ENPP6: variants seen among roughly 807,000 people sequenced by gnomAD.
ENPP6 encodes the protein ectonucleotide pyrophosphatase/phosphodiesterase 6, also known as glycerophosphocholine cholinephosphodiesterase ENPP6.
In ENPP6, 32 loss-of-function variants were observed where a neutral mutation model predicts 42.0. The ratio of observed to expected loss-of-function variants is 0.76; its 90% confidence interval spans 0.58 to 1.02. The LOEUF is 1.02. ENPP6 is among the 50% of genes least tolerant of loss of function. ENPP6 has a pLI of 0.00. For missense variants in ENPP6, 552 were observed against 566.8 expected, an observed-to-expected ratio of 0.97 and a Z score of 0.27; for synonymous variants, 213 against 216.0, an observed-to-expected ratio of 0.99 and a Z score of 0.12.
At chr4:184,115,462 C>T (rs918231920) in intron 5 of ENPP6, among the ~76,000 whole-genome samples, 1 of 152,202 alleles carries the variant, frequency 6.6e-6, no homozygotes, top group Non-Finnish European at 1.5e-5. Context: ...GCAGGGTAAG[C>T]AGAGGTCTAG....
chr4:184,144,737 T>C (rs1246856016), intron 2 of ENPP6, among the ~76,000 whole-genome samples: 6 of 152,034 alleles, frequency 3.9e-5, no homozygotes, highest in African/African-American at 1.4e-4. Flanking sequence ...CTAAACAAGC[T>C]CCGAGCAGGC....
chr4:184,177,709 A>G (rs1732463063), intron 1 of ENPP6, among the ~76,000 whole-genome samples: 1 of 152,208 alleles, frequency 6.6e-6, no homozygotes, highest in African/African-American at 2.4e-5. Flanking sequence ...TGACACCTCC[A>G]GGTGTGGGAG....
chr4:184,153,500 T>A (rs997779042), intron 2 of ENPP6, 54 bp downstream of exon 2: 3 of 1,537,936 alleles, frequency 2.0e-6, no homozygotes, highest in Non-Finnish European at 2.6e-6. Flanking sequence ...ACACCGACTG[T>A]CCTCAGAGAC....
intron 1 of ENPP6, among the ~76,000 whole-genome samples, chr4:184,195,599 C>G (rs1451914197): frequency 6.6e-6 from 1 of 152,150 alleles, no homozygotes; most frequent in African/African-American, 2.4e-5. Context: ...CATTCCCCGT[C>G]CCCACAGCCC....
chr4:184,173,680 AAAT>A (rs1467379917), intron 1 of ENPP6, among the ~76,000 whole-genome samples: 1 of 152,212 alleles, frequency 6.6e-6, no homozygotes, highest in African/African-American at 2.4e-5. Flanking sequence ...TCTTACTTTC[AAAT>A]TACAGAGTCC....
chr4:184,198,030 G>GAGAGGACTT (rs1242633528), intron 1 of ENPP6, among the ~76,000 whole-genome samples: 16 of 152,230 alleles, frequency 1.1e-4, no homozygotes, highest in African/African-American at 3.9e-4. Context: ...AAGATGAGGG[G>GAGAGGACTT]AGAGGACTTA....
chr4:184,090,563 T>C lies in ENPP6; in HGVS notation c.*614A>G, dbSNP rs1735770981. On this transcript the variant is annotated 3_prime_UTR_variant, in exon 8 of 8. Coordinates refer to ENST00000296741, the MANE Select transcript of ENPP6 (RefSeq NM_153343.4). Reference sequence around the variant, plus strand: ...CTTGTTCTATGAGTTCTCCAATCCTTAGTGATTTATTTATTTTTTGATTGA... The same window carrying C: ...CTTGTTCTATGAGTTCTCCAATCCTCAGTGATTTATTTATTTTTTGATTGA... The C allele has an allele frequency of 6.5e-6, 1 of 154,792 alleles. No homozygotes were observed. Among genetic ancestry groups the C allele is most frequent in the African/African-American group, 2.4e-5 (1 of 41,558 alleles). 9.6% of individuals were successfully genotyped at this position (154,792 alleles called of 1,614,324 possible).
chr4:184,182,323 G>T (rs1020392191), intron 1 of ENPP6, among the ~76,000 whole-genome samples: 12 of 152,080 alleles, frequency 7.9e-5, no homozygotes, highest in Non-Finnish European at 5.9e-5. Flanking sequence ...ACCATCTCAT[G>T]CCAGTCAGAA....
At position 184,194,354 on chromosome 4, in the gene ENPP6, C is replaced by T. The variant is rs535053354; in HGVS notation, c.241+23225G>A. Among the ~76,000 whole-genome samples, 3 of 152,336 alleles carry T rather than the reference C, an allele frequency of 2.0e-5. No individual in the cohort carries two copies. The South Asian group carries it at 6.2e-4, about 32-fold the overall frequency. ...GAGCAACGAACAGTCACGATGACTG[C>T]TGGATGCACCCCTCCTGAGTGCATT... On this transcript the variant is annotated intron_variant, in intron 1 of 7. Coordinates refer to ENST00000296741, the MANE Select transcript of ENPP6 (RefSeq NM_153343.4).
intron 4 of ENPP6, 75 bp from the exon 5 acceptor site, chr4:184,117,110 A>C: frequency 6.5e-7 from 1 of 1,539,470 alleles, no homozygotes; most frequent in African/African-American, 1.4e-5. Context: ...TGTCAACTAC[A>C]AATGATAGGA....
At chr4:184,135,750 TACCC>T (rs1316505712) in intron 2 of ENPP6, among the ~76,000 whole-genome samples, 1 of 152,136 alleles carries the variant, frequency 6.6e-6, no homozygotes, top group Non-Finnish European at 1.5e-5. Flanking sequence ...GTGTACTGAG[TACCC>T]ACGTCAGAAA....
intron 5 of ENPP6, 67 bp from the exon 6 acceptor site, chr4:184,112,876 T>C: frequency 6.8e-7 from 1 of 1,480,470 alleles, no homozygotes; most frequent in East Asian, 2.4e-5. Context: ...TTACTGGAGC[T>C]AGGGGAGAGG....
chr4:184,145,506 C>T (rs1403656410), intron 2 of ENPP6, among the ~76,000 whole-genome samples: 2 of 152,230 alleles, frequency 1.3e-5, no homozygotes, highest in African/African-American at 4.8e-5. Context: ...TTGCCCGCTG[C>T]ACGCGTTGTG....
intron 6 of ENPP6, among the ~76,000 whole-genome samples, chr4:184,111,958 T>A (rs1736202836): frequency 6.6e-6 from 1 of 152,218 alleles, no homozygotes; most frequent in Non-Finnish European, 1.5e-5. Context: ...CAAAAGTAAT[T>A]GTGATTTTTG....
chr4:184,100,642 C>T (rs547323767), intron 6 of ENPP6, among the ~76,000 whole-genome samples: 16 of 152,318 alleles, frequency 1.1e-4, no homozygotes, highest in South Asian at 2.1e-4. Flanking sequence ...AGGAAGCACC[C>T]GGTTCTCCTG....
intron 1 of ENPP6, among the ~76,000 whole-genome samples, chr4:184,166,324 C>A (rs991663886): frequency 1.3e-5 from 2 of 151,876 alleles, no homozygotes; most frequent in Non-Finnish European, 2.9e-5. Flanking sequence ...ACAAAAATAA[C>A]CCCAAAAGAG....
intron 1 of ENPP6, among the ~76,000 whole-genome samples, chr4:184,200,979 T>C (rs185555316): frequency 2.9e-4 from 44 of 152,328 alleles, no homozygotes; most frequent in Admixed American, 2.1e-3. Flanking sequence ...CGACAGCCCT[T>C]TGTCTAAATA....
In ENPP6 at chr4:184,117,046, G is replaced by A. The variant is rs934410899; in HGVS notation, c.676-11C>T. ...CTGCAGGCCCCGCTCCTGTGGGGTGGGAAAAGACAGTCATTACGGCACCAA... is the reference window on the plus strand; with the variant it reads ...CTGCAGGCCCCGCTCCTGTGGGGTGAGAAAAGACAGTCATTACGGCACCAA... On this transcript the variant is annotated splice_polypyrimidine_tract_variant and intron_variant, in intron 4 of 7. Coordinates refer to ENST00000296741, the MANE Select transcript of ENPP6 (RefSeq NM_153343.4). 5 of 1,614,070 alleles carry A rather than the reference G, an allele frequency of 3.1e-6. No individual in the cohort carries two copies. The highest frequency in any genetic ancestry group is 4.2e-6 in the Non-Finnish European group (5 of 1,179,988).
At chr4:184,181,111 C>A (rs11937006) in intron 1 of ENPP6, among the ~76,000 whole-genome samples, 121,100 of 152,142 alleles carry the variant, frequency 0.8, 51,554 homozygotes, top group East Asian at 1. Flanking sequence ...CTAGAAAACC[C>A]CATCATCTGA....
Sources: allele counts gnomAD v4.1 joint callset (sites outside exome capture counted in the v4.1 genomes callset), GRCh38; gene constraint gnomAD v4.1.1; transcripts MANE v1.5; gene names NCBI Gene and HGNC (gene_info 2026-07-23, HGNC 2026-07-21).